The following SLX4IP variants were observed in gnomAD, a reference collection of about 807,000 sequenced individuals.
SLX4IP encodes the protein SLX4 interacting protein, also known as protein SLX4IP.
A neutral mutation model predicts 32.9 loss-of-function variants in SLX4IP; 34 were observed. The ratio of observed to expected loss-of-function variants is 1.03; its 90% confidence interval spans 0.79 to 1.38. SLX4IP has a LOEUF of 1.38. SLX4IP is among the 40% of genes most tolerant of loss of function. The pLI is 0.00. For missense variants in SLX4IP, 444 were observed against 479.0 expected, an observed-to-expected ratio of 0.93 and a Z score of 0.68; for synonymous variants, 172 against 171.7, an observed-to-expected ratio of 1.00 and a Z score of -0.01.
chr20:10,536,914 G>T (rs1287230255), intron 2 of SLX4IP, among the ~76,000 whole-genome samples: 4 of 152,176 alleles, frequency 2.6e-5, no homozygotes, highest in Admixed American at 1.3e-4. Flanking sequence ...TGGCAAAAAA[G>T]ATTTCTTTCA....
In SLX4IP at chr20:10,556,332, CTT is replaced by C. The variant is rs745820871; in HGVS notation, c.117+14_117+15del. On this transcript the variant is annotated intron_variant, in intron 3 of 7. Coordinates refer to ENST00000334534, the MANE Select transcript of SLX4IP (RefSeq NM_001009608.3). ...AACAGAAGAAAGAGGTACAACAAAA[CTT>C]TCTACTATTTAATTGCAAGTAGCTG... 6.2e-7 allele frequency: 1 copy of C among 1,609,896 alleles called. No individual in the cohort carries two copies. Among genetic ancestry groups the C allele is most frequent in the Non-Finnish European group, 8.5e-7 (1 of 1,178,018 alleles).
rs1424627684 is a variant in SLX4IP, at chr20:10,622,775, G to A, written c.623G>A (p.Gly208Asp). 3 of 1,614,174 alleles carry A rather than the reference G, an allele frequency of 1.9e-6. No homozygotes were observed. The highest frequency in any genetic ancestry group is 1.1e-5 in the South Asian group (1 of 91,076). Residue 208 changes from glycine to aspartate, a missense_variant, in exon 8 of 8, where the codon GGT becomes GAT. By Grantham distance (94) the Gly-to-Asp change is moderately conservative. Transcript: ENST00000334534. ...IAEIARRRND[G>D]QASSSPPSES... ...GAGATAGCAAGGAGGAGGAATGATG[G>A]TCAGGCTTCCTCCAGTCCCCCATCA...
At position 10,623,394 on chromosome 20, in the gene SLX4IP, G is replaced by A; in HGVS notation, c.*15G>A. The A allele has an allele frequency of 1.9e-6, 3 of 1,593,964 alleles. No homozygotes were observed. Among genetic ancestry groups the A allele is most frequent in the African/African-American group, 1.4e-5 (1 of 73,878 alleles). ...GAGGCCATTAACACCGAAGAGGTTTGTACCGTTGGAGTTGAGGACATAGTG... is the reference window on the plus strand; with the variant it reads ...GAGGCCATTAACACCGAAGAGGTTTATACCGTTGGAGTTGAGGACATAGTG... On this transcript the variant is annotated 3_prime_UTR_variant, in exon 8 of 8. Transcript: ENST00000334534.
chr20:10,548,144 C>A (rs1183791583), intron 2 of SLX4IP, among the ~76,000 whole-genome samples: 1 of 152,158 alleles, frequency 6.6e-6, no homozygotes, highest in Non-Finnish European at 1.5e-5. Context: ...TGGTTCAACG[C>A]CTCCTAAACT....
At chr20:10,598,150 A>G (rs1019965959) in intron 4 of SLX4IP, among the ~76,000 whole-genome samples, 2 of 152,188 alleles carry the variant, frequency 1.3e-5, no homozygotes, top group Non-Finnish European at 2.9e-5. Context: ...TAACTGAGGG[A>G]CTTCAGGGAC....
chr20:10,459,224 G>GT (rs1378549529), intron 2 of SLX4IP, among the ~76,000 whole-genome samples: 1 of 151,364 alleles, frequency 6.6e-6, no homozygotes, highest in African/African-American at 2.4e-5. Context: ...TTTTTTTCTT[G>GT]TAAGTTTGTT....
At chr20:10,617,476 G>A (rs1319893600) in intron 6 of SLX4IP, among the ~76,000 whole-genome samples, 1 of 152,046 alleles carries the variant, frequency 6.6e-6, no homozygotes, top group Non-Finnish European at 1.5e-5. Flanking sequence ...GCCGTTTTAG[G>A]CCAACTTCTC....
chr20:10,540,096 TTTCC>T (rs61054747), intron 2 of SLX4IP, among the ~76,000 whole-genome samples: 23,772 of 111,328 alleles, frequency 0.21, 2,588 homozygotes, highest in Non-Finnish European at 0.26. Context: ...CCTTCCTTCC[TTTCC>T]TTCCTTCCTT....
intron 2 of SLX4IP, among the ~76,000 whole-genome samples, chr20:10,510,637 G>T (rs1018930306): frequency 2.7e-5 from 4 of 147,392 alleles, no homozygotes; most frequent in Admixed American, 6.8e-5. Context: ...ATGCAGTCTC[G>T]CTCTGTCACC....
intron 5 of SLX4IP, among the ~76,000 whole-genome samples, 179 bp from the exon 6 acceptor site, chr20:10,601,552 T>C (rs1456132756): frequency 6.6e-6 from 1 of 152,206 alleles, no homozygotes; most frequent in Non-Finnish European, 1.5e-5. Flanking sequence ...TCCCTAGAGC[T>C]TTGCGCTCAC....
At position 10,625,348 on chromosome 20, in the gene SLX4IP, G is replaced by T. The variant is rs1422021493; in HGVS notation, c.*1969G>T. The T allele has an allele frequency of 6.6e-6, 1 of 152,212 alleles. No individual in the cohort carries two copies. The highest frequency in any genetic ancestry group is 1.5e-5 in the Non-Finnish European group (1 of 68,042). 9.4% of individuals were successfully genotyped at this position (152,212 alleles called of 1,614,324 possible). A position where few individuals can be genotyped will look rare whatever the true frequency, so the allele number is the denominator to read the frequency against. ...GGATAGACCAAGAAGCAGCTCTCTG[G>T]AAGAGTCTGGAATTAAAAAGACGGC... On this transcript the variant is annotated 3_prime_UTR_variant, in exon 8 of 8. Transcript: ENST00000334534.
At chr20:10,588,820 A>C (rs2066675038) in intron 4 of SLX4IP, among the ~76,000 whole-genome samples, 1 of 152,226 alleles carries the variant, frequency 6.6e-6, no homozygotes, top group Non-Finnish European at 1.5e-5. Flanking sequence ...CAAAGGACAC[A>C]AACTATCAGT....
At chr20:10,595,285 C>T (rs1184946279) in intron 4 of SLX4IP, among the ~76,000 whole-genome samples, 1 of 152,142 alleles carries the variant, frequency 6.6e-6, no homozygotes, top group Non-Finnish European at 1.5e-5. Context: ...ACAGTCTTCT[C>T]AGATTTAGGA....
At chr20:10,530,542 C>T (rs1211481188) in intron 2 of SLX4IP, among the ~76,000 whole-genome samples, 1 of 152,182 alleles carries the variant, frequency 6.6e-6, no homozygotes, top group Non-Finnish European at 1.5e-5. Context: ...TCTGCGTGCT[C>T]ACTTGGTGAG....
chr20:10,514,893 G>T (rs1270238331), intron 2 of SLX4IP, among the ~76,000 whole-genome samples: 1 of 152,060 alleles, frequency 6.6e-6, no homozygotes, highest in Non-Finnish European at 1.5e-5. Context: ...GCAATTTTTA[G>T]TAGGATTGGC....
intron 2 of SLX4IP, 39 bp from the exon 3 acceptor site, chr20:10,556,186 GGCATGA>G: frequency 6.5e-7 from 1 of 1,548,764 alleles, no homozygotes; most frequent in Non-Finnish European, 8.8e-7. Context: ...TTGTTTGCTG[GGCATGA>G]GCCGCACAGA....
rs1430474491 is a variant in SLX4IP, at chr20:10,627,562, A to G, written c.*4183A>G. Reference sequence around the variant, plus strand: ...TTTATTTACAAGACAGGGAACAAATATGTGTCAATGTGCAGCTTAACAGAG... The same window carrying G: ...TTTATTTACAAGACAGGGAACAAATGTGTGTCAATGTGCAGCTTAACAGAG... On this transcript the variant is annotated 3_prime_UTR_variant, in exon 8 of 8. Transcript: ENST00000334534. The G allele has an allele frequency of 1.3e-5, 2 of 152,232 alleles. No homozygotes were observed. The highest frequency in any genetic ancestry group is 2.9e-5 in the Non-Finnish European group (2 of 68,042). The allele number at this position is 152,232 out of a possible 1,614,324, so 9.4% of individuals were successfully genotyped here.
At chr20:10,528,887 C>T (rs1456353882) in intron 2 of SLX4IP, among the ~76,000 whole-genome samples, 1 of 152,180 alleles carries the variant, frequency 6.6e-6, no homozygotes, top group East Asian at 1.9e-4. Context: ...TTTCAGATAC[C>T]CACAAACTAT....
chr20:10,606,197 T>G (rs1312373339), intron 6 of SLX4IP, among the ~76,000 whole-genome samples: 1 of 152,170 alleles, frequency 6.6e-6, no homozygotes, highest in Non-Finnish European at 1.5e-5. Flanking sequence ...TAGAAAAACT[T>G]CCAGGGTAGT....
Sources: allele counts gnomAD v4.1 joint callset (sites outside exome capture counted in the v4.1 genomes callset), GRCh38; gene constraint gnomAD v4.1.1; transcripts MANE v1.5; gene names NCBI Gene and HGNC (gene_info 2026-07-23, HGNC 2026-07-21).